KIF22: variants seen among roughly 807,000 people sequenced by gnomAD.
The protein encoded by KIF22 is kinesin-like protein KIF22.
A neutral mutation model predicts 73.0 loss-of-function variants in KIF22; 62 were observed. The ratio of observed to expected loss-of-function variants is 0.85; its 90% confidence interval spans 0.69 to 1.05. The LOEUF is 1.05. KIF22 is among the 50% of genes least tolerant of loss of function. The pLI is 0.00. For synonymous variants in KIF22, 411 were observed against 340.1 expected, an observed-to-expected ratio of 1.21 and a Z score of -2.29; for missense variants, 854 against 870.1, an observed-to-expected ratio of 0.98 and a Z score of 0.23.
rs1899071548 is a variant in KIF22, at chr16:29,799,795, G to C, written c.1144+14G>C. 1 of 1,613,730 alleles carries C rather than the reference G, an allele frequency of 6.2e-7. No homozygotes were observed. The highest frequency in any genetic ancestry group is 1.3e-5 in the African/African-American group (1 of 74,918). ...TGCAGCCTCATGGTGAGAACTGGGGGAGGCAGGAGTGGAAACGCTGGGTCT... is the reference window on the plus strand; with the variant it reads ...TGCAGCCTCATGGTGAGAACTGGGGCAGGCAGGAGTGGAAACGCTGGGTCT... On this transcript the variant is annotated intron_variant, in intron 7 of 13. Transcript: ENST00000160827.
intron 9 of KIF22, 151 bp from the exon 10 acceptor site, chr16:29,803,298 T>TGA: frequency 1.2e-6 from 1 of 853,412 alleles, no homozygotes; most frequent in South Asian, 1.9e-5. Context: ...CTTAATTATG[T>TGA]TAGGCTCCAC....
At chr16:29,791,210 A>T in intron 1 of KIF22, 1 of 1,082,774 alleles carries the variant, frequency 9.2e-7, no homozygotes, top group Non-Finnish European at 1.1e-6. Flanking sequence ...GACGAGAAGA[A>T]GGGAGCCGGA....
At chr16:29,801,182 C>G (rs1899124838) in intron 8 of KIF22, among the ~76,000 whole-genome samples, 1 of 152,168 alleles carries the variant, frequency 6.6e-6, no homozygotes, top group Non-Finnish European at 1.5e-5. Context: ...TCACCTCCTG[C>G]CCCAACTCCA....
In KIF22 at chr16:29,790,767, C is replaced by T. The variant is rs755405115; in HGVS notation, c.8C>T (p.Ala3Val). ...GCCCAAGGAGGGAGTGGAATGGCCG[C>T]GGGCGGCTCGACGCAGCAGAGGCGA... MA[A>V]GGSTQQRRRE... Residue 3 changes from alanine (A) to valine (V), a missense_variant, in exon 1 of 14, where the codon GCG becomes GTG. Transcript: ENST00000160827. 24 of 1,596,138 alleles carry T rather than the reference C, an allele frequency of 1.5e-5. No homozygotes were observed. Among genetic ancestry groups the T allele is most frequent in the Admixed American group, 1.2e-4 (7 of 57,528 alleles).
At chr16:29,794,867 C>T (rs1253087428) in intron 1 of KIF22, among the ~76,000 whole-genome samples, 3 of 152,152 alleles carry the variant, frequency 2.0e-5, no homozygotes, top group East Asian at 1.9e-4. Context: ...TGAACCACTG[C>T]GCCCGGCCAA....
chr16:29,803,951 G>A, intron 10 of KIF22, 47 bp from the exon 11 acceptor site: 2 of 1,460,998 alleles, frequency 1.4e-6, no homozygotes, highest in Non-Finnish European at 1.9e-6. Context: ...CAGGGAGGGT[G>A]AAAAGTACCC....
Position 29,803,507 on chromosome 16 carries a change from A to G in KIF22, c.1508A>G (p.Glu503Gly), listed in dbSNP as rs1209639480. The G allele has an allele frequency of 6.2e-7, 1 of 1,614,210 alleles. No homozygotes were observed. The highest frequency in any genetic ancestry group is 8.5e-7 in the Non-Finnish European group (1 of 1,180,008). ...AAGATGTTGGCCCAGAAGGCTGAGG[A>G]AAAGGAGAACCATTGTCCCACAATG... is the stretch of plus-strand genomic sequence containing the variant. Reference protein sequence around the residue: ...EAKMLAQKAEEKENHCPTMLR... With the variant: ...EAKMLAQKAEGKENHCPTMLR... Residue 503 changes from glutamate (E) to glycine (G), a missense_variant, in exon 10 of 14, where the codon GAA (glutamate) becomes GGA (glycine). Physicochemically the swap from Glu to Gly is moderately conservative, Grantham distance 98. Around this residue, in one of 3 missense-constraint regions of KIF22, gnomAD observed 423 missense variants for 365.4 expected, o/e 1.16. Coordinates refer to ENST00000160827, the MANE Select transcript of KIF22 (RefSeq NM_007317.3).
At chr16:29,796,739 A>C (rs1160963356) in intron 1 of KIF22, 154 bp from the exon 2 acceptor site, 7 of 650,272 alleles carry the variant, frequency 1.1e-5, no homozygotes, top group Non-Finnish European at 1.9e-5. Flanking sequence ...CAGGGAAGGC[A>C]CTGAGGCCAA....
chr16:29,804,536 T>C (rs1296971932), intron 11 of KIF22: 1 of 669,590 alleles, frequency 1.5e-6, no homozygotes, highest in Non-Finnish European at 2.7e-6. Context: ...TAAGAGCTTA[T>C]TTTGTGCTTT....
Position 29,798,360 on chromosome 16 carries a change from C to T in KIF22, c.267-14C>T. ...CACACACACACACGCTAATTTCTTTCTTTCTTCCTGCAGGTTTGATGCCTT... is the reference window on the plus strand; with the variant it reads ...CACACACACACACGCTAATTTCTTTTTTTCTTCCTGCAGGTTTGATGCCTT... On this transcript the variant is annotated splice_polypyrimidine_tract_variant and intron_variant, in intron 2 of 13. Transcript: ENST00000160827. This position sits in a 1 kb window ranked among gnomAD's most constrained non-coding sequence, Gnocchi z 4.1. 3.6e-6 allele frequency: 5 copies of T among 1,375,832 alleles called. No homozygotes were observed. Among genetic ancestry groups the T allele is most frequent in the Non-Finnish European group, 4.8e-6 (5 of 1,032,916 alleles). 85.2% of individuals were successfully genotyped at this position (1,375,832 alleles called of 1,614,324 possible).
In KIF22 at chr16:29,790,841, C is replaced by T. The variant is rs201193053; in HGVS notation, c.70+12C>T. Reference sequence around the variant, plus strand: ...GGCGGCGATCTCAGGTACTTGAGCCCGGCCTGGGCAAGGCGGGTACCGACG... The same window carrying T: ...GGCGGCGATCTCAGGTACTTGAGCCTGGCCTGGGCAAGGCGGGTACCGACG... On this transcript the variant is annotated intron_variant, in intron 1 of 13. Coordinates refer to ENST00000160827, the MANE Select transcript of KIF22 (RefSeq NM_007317.3). 143 of 1,596,956 alleles carry T rather than the reference C, an allele frequency of 9.0e-5. No individual in the cohort carries two copies. The highest frequency in any genetic ancestry group is 1.4e-4 in the Admixed American group (8 of 58,042).
Position 29,798,580 on chromosome 16 carries a change from ACT to A in KIF22, c.395-8_395-7del. ...AGAGGAAAACCTCACAGTTTTCTCC[ACT>A]CTCTTCCCAGGGAAGACGCACACAA... On this transcript the variant is annotated splice_polypyrimidine_tract_variant and intron_variant, in intron 3 of 13. Transcript: ENST00000160827. The surrounding 1 kb of genome is among the most constrained non-coding windows in gnomAD (Gnocchi z 4.1). The A allele has an allele frequency of 6.2e-7, 1 of 1,613,618 alleles. No homozygotes were observed. Among genetic ancestry groups the A allele is most frequent in the Non-Finnish European group, 8.5e-7 (1 of 1,179,836 alleles).
rs1899003704 is a variant in KIF22, at chr16:29,798,299, CCCACT to C, written c.267-70_267-66del. 7.2e-7 allele frequency: 1 copy of C among 1,391,280 alleles called. No individual in the cohort carries two copies. Among genetic ancestry groups the C allele is most frequent in the Non-Finnish European group, 9.5e-7 (1 of 1,048,828 alleles). 86.2% of individuals were successfully genotyped at this position (1,391,280 alleles called of 1,614,324 possible). On this transcript the variant is annotated intron_variant, in intron 2 of 13. Transcript: ENST00000160827. This position sits in a 1 kb window ranked among gnomAD's most constrained non-coding sequence, Gnocchi z 4.1. ...AGTAGAATCCCTTACCCACCCCCAC[CCCACT>C]CCACCCCTTACACACACACACACAC... is the stretch of plus-strand genomic sequence containing the variant.
intron 11 of KIF22, chr16:29,804,583 A>G: frequency 2.9e-6 from 2 of 690,446 alleles, no homozygotes; most frequent in East Asian, 5.5e-5. Context: ...CAGCAACTCC[A>G]TGAGAAGGGT....
In KIF22 at chr16:29,799,346, A is replaced by G. The variant is rs760972864; in HGVS notation, c.842A>G (p.Asn281Ser). 3.7e-6 allele frequency: 6 copies of G among 1,614,108 alleles called. No individual in the cohort carries two copies. Among genetic ancestry groups the G allele is most frequent in the Admixed American group, 3.3e-5 (2 of 60,010 alleles). ...ATTGACTTGGCTGGGTCAGAGGACAACCGGCGCACAGGCAACAAGGGCCTT... is the reference window on the plus strand; with the variant it reads ...ATTGACTTGGCTGGGTCAGAGGACAGCCGGCGCACAGGCAACAAGGGCCTT... ...YLIDLAGSED[N>S]RRTGNKGLRL... The change falls in exon 6 of 14, where the codon AAC (asparagine) becomes AGC (serine). Residue 281 changes from asparagine (N) to serine (S), a missense_variant. Physicochemically the swap from Asn to Ser is conservative, Grantham distance 46. Coordinates refer to ENST00000160827, the MANE Select transcript of KIF22 (RefSeq NM_007317.3).
chr16:29,800,237 C>T, intron 8 of KIF22, 189 bp downstream of exon 8: 2 of 586,108 alleles, frequency 3.4e-6, no homozygotes, highest in Non-Finnish European at 5.7e-6. Context: ...GGGTGGATCA[C>T]CTGAGGTCAG....
At position 29,797,985 on chromosome 16, in the gene KIF22, A is replaced by G. The variant is rs954545843; in HGVS notation, c.267-389A>G. ...GACTGGGAAGCCTTGCTTTTTTGCT[A>G]TTCTTGATTCTCAGAATTTCTTTCT... On this transcript the variant is annotated intron_variant, in intron 2 of 13. Transcript: ENST00000160827. This position sits in a 1 kb window ranked among gnomAD's most constrained non-coding sequence, Gnocchi z 4.1. Among the ~76,000 whole-genome samples, 3 of 152,120 alleles carry G rather than the reference A, an allele frequency of 2.0e-5. No individual in the cohort carries two copies. Among genetic ancestry groups the G allele is most frequent in the African/African-American group, 7.2e-5 (3 of 41,424 alleles).
intron 1 of KIF22, chr16:29,792,422 G>T: frequency 2.0e-6 from 2 of 984,934 alleles, no homozygotes; most frequent in South Asian, 9.4e-5. Context: ...AAATGAACAA[G>T]CCAGTGATTA....
chr16:29,798,741 G>A lies in KIF22; in HGVS notation c.543G>A (p.Gln181=), dbSNP rs2142372598. ...SVTMSYLEIY[Q]EKVLDLLDPA... ...CCATGTCTTACCTAGAGATCTACCA[G>A]GAGAAGGTGAGGCCCCGTGCTGGTT... Residue 181 remains glutamine, a synonymous_variant, in exon 4 of 14, where the codon CAG becomes CAA. Transcript: ENST00000160827. This position sits in a 1 kb window ranked among gnomAD's most constrained non-coding sequence, Gnocchi z 4.1. 2 of 1,613,790 alleles carry A rather than the reference G, an allele frequency of 1.2e-6. No homozygotes were observed. The highest frequency in any genetic ancestry group is 3.3e-5 in the Admixed American group (2 of 59,964).
Sources: gnomAD v4.1 joint callset for allele counts (sites outside exome capture counted in the v4.1 genomes callset) on GRCh38, gnomAD v4.1.1 for gene constraint, gnomAD v4.1.1 regional missense constraint, Gnocchi (gnomAD v3.1) non-coding constraint, MANE v1.5 for transcripts, NCBI Gene and HGNC (gene_info 2026-07-23, HGNC 2026-07-21) for gene names.